The following STAG1 variants were observed in gnomAD, a reference collection of about 807,000 sequenced individuals.
STAG1 encodes STAG1 cohesin complex component.
Under a neutral mutation model 170.9 loss-of-function variants are expected in STAG1, and 26 were observed. The observed-to-expected ratio is 0.15, with a 90% CI of 0.11 to 0.21. STAG1 has a LOEUF of 0.21. Ranked by LOEUF, STAG1 falls within the 10% of genes least tolerant of loss-of-function variation. The probability of loss-of-function intolerance (pLI) is 1.00; values close to 1 mark genes in which losing one functional copy is unlikely to be tolerated. For synonymous variants in STAG1, 514 were observed against 497.7 expected, an observed-to-expected ratio of 1.03 and a Z score of -0.44; for missense variants, 964 against 1,509.5, an observed-to-expected ratio of 0.64 and a Z score of 5.99.
At chr3:136,657,145 G>A (rs1444932499) in intron 1 of STAG1, among the ~76,000 whole-genome samples, 6 of 146,640 alleles carry the variant, frequency 4.1e-5, no homozygotes, top group African/African-American at 1.5e-4. Context: ...CCAGTGTATA[G>A]ATGCAAATAT....
At chr3:136,440,665 T>C (rs192010972) in intron 15 of STAG1, among the ~76,000 whole-genome samples, 2 of 152,174 alleles carry the variant, frequency 1.3e-5, no homozygotes, top group Admixed American at 1.3e-4. Context: ...AATTGATTTT[T>C]ATCAGGGAAA....
chr3:136,718,451 G>A (rs1576805528), intron 1 of STAG1, among the ~76,000 whole-genome samples: 2 of 152,064 alleles, frequency 1.3e-5, no homozygotes, highest in African/African-American at 4.8e-5. Context: ...ATGCTCACCT[G>A]GTAGAAATCT....
rs1448342880 is a variant in STAG1 at position 136,748,092 on chromosome 3, T to TA, written c.-84+4102dup. ...GCCTGGCCAAGAATTATGTAATTTT[T>TA]AAAAAATAAAAATAACTGGCCGGGC... is the stretch of plus-strand genomic sequence containing the variant. On this transcript the variant is annotated intron_variant, in intron 1 of 33. Coordinates refer to ENST00000383202, the MANE Select transcript of STAG1 (RefSeq NM_005862.3). Among the ~76,000 whole-genome samples the TA allele has an allele frequency of 4.9e-4, 72 of 147,952 alleles. 1 individual carries two copies. The highest frequency in any genetic ancestry group is 1.7e-3 in the African/African-American group (70 of 40,702).
intron 25 of STAG1, among the ~76,000 whole-genome samples, chr3:136,366,372 G>A (rs1202480882): frequency 6.6e-6 from 1 of 152,094 alleles, no homozygotes; most frequent in African/African-American, 2.4e-5. Flanking sequence ...ATGTTTAGAT[G>A]TTAGTTAACT....
At chr3:136,383,994 G>C (rs1355112535) in intron 22 of STAG1, among the ~76,000 whole-genome samples, 1 of 149,914 alleles carries the variant, frequency 6.7e-6, no homozygotes, top group Admixed American at 6.7e-5. Flanking sequence ...CAGTCACAGA[G>C]ATGTTAAGCA....
At chr3:136,394,255 G>C (rs1033487098) in intron 22 of STAG1, among the ~76,000 whole-genome samples, 2 of 152,036 alleles carry the variant, frequency 1.3e-5, no homozygotes, top group African/African-American at 4.8e-5. Context: ...TCATGCTTTT[G>C]AAGATTATCA....
At chr3:136,626,405 A>G (rs1470059474) in intron 2 of STAG1, among the ~76,000 whole-genome samples, 1 of 151,540 alleles carries the variant, frequency 6.6e-6, no homozygotes, top group Non-Finnish European at 1.5e-5. Flanking sequence ...AGCCTGAGCA[A>G]CAGAGTGAGA....
intron 15 of STAG1, among the ~76,000 whole-genome samples, chr3:136,437,570 C>A (rs115794246): frequency 6.6e-6 from 1 of 152,280 alleles, no homozygotes; most frequent in Non-Finnish European, 1.5e-5. Context: ...TGAACTCTGG[C>A]TTCTCCCTTT....
chr3:136,367,413 C>A (rs1937115447), intron 24 of STAG1, among the ~76,000 whole-genome samples: 1 of 151,882 alleles, frequency 6.6e-6, no homozygotes, highest in African/African-American at 2.4e-5. Flanking sequence ...TATACTCTAC[C>A]ATTTTATTTA....
rs780314108 is a variant in STAG1, at chr3:136,417,992, ATC to A, written c.2109-22_2109-21del. On this transcript the variant is annotated intron_variant, in intron 20 of 33. Coordinates refer to ENST00000383202, the MANE Select transcript of STAG1 (RefSeq NM_005862.3). ...TGTGCACTGAAATAAACAAAAATGC[ATC>A]TGTTTTATTCTAGAATGGAAGGAAA... 2 of 1,556,318 alleles carry A rather than the reference ATC, an allele frequency of 1.3e-6. No individual in the cohort carries two copies.
chr3:136,393,075 G>A (rs1145106), intron 22 of STAG1, among the ~76,000 whole-genome samples: 112,479 of 152,006 alleles, frequency 0.74, 41,634 homozygotes, highest in East Asian at 0.86. Flanking sequence ...CTCCCTCACT[G>A]TCTAAATGAC....
At chr3:136,418,335 G>A (rs1001278917) in intron 20 of STAG1, among the ~76,000 whole-genome samples, 1 of 105,504 alleles carries the variant, frequency 9.5e-6, no homozygotes, top group Non-Finnish European at 1.7e-5. Flanking sequence ...ACTCCAGCCT[G>A]GGTAACTGAG....
intron 29 of STAG1, among the ~76,000 whole-genome samples, chr3:136,347,853 T>A (rs188360778): frequency 2.3e-4 from 35 of 152,334 alleles, no homozygotes; most frequent in African/African-American, 8.2e-4. Context: ...AATACTCTGC[T>A]AATCCTTCAT....
intron 1 of STAG1, among the ~76,000 whole-genome samples, chr3:136,719,191 A>C (rs1380238592): frequency 6.6e-6 from 1 of 152,228 alleles, no homozygotes; most frequent in Non-Finnish European, 1.5e-5. Context: ...TCTTCAAAAT[A>C]CAAGAAAGTA....
chr3:136,411,982 T>C (rs1168204278), intron 21 of STAG1, among the ~76,000 whole-genome samples: 2 of 151,948 alleles, frequency 1.3e-5, no homozygotes, highest in African/African-American at 4.8e-5. Flanking sequence ...AGAGAGCATT[T>C]TGCCATATTG....
chr3:136,669,496 G>C (rs559812755), intron 1 of STAG1, among the ~76,000 whole-genome samples: 13 of 152,156 alleles, frequency 8.5e-5, no homozygotes, highest in Admixed American at 4.6e-4. Flanking sequence ...TGGGATTACA[G>C]GCGCACAACC....
chr3:136,718,344 G>T (rs550651579), intron 1 of STAG1, among the ~76,000 whole-genome samples: 3 of 152,048 alleles, frequency 2.0e-5, no homozygotes, highest in Non-Finnish European at 4.4e-5. Context: ...CATCTGTATT[G>T]TATGAAATTT....
chr3:136,454,388 G>GT (rs199698105), intron 13 of STAG1, among the ~76,000 whole-genome samples: 5,834 of 150,006 alleles, frequency 0.039, 136 homozygotes, highest in Non-Finnish European at 0.059. Context: ...CTTATTTTAT[G>GT]TTTTTTTTGA....
At chr3:136,737,252 A>AC in intron 1 of STAG1, 2 of 607,866 alleles carry the variant, frequency 3.3e-6, no homozygotes, top group Non-Finnish European at 6.2e-6. Flanking sequence ...CCACCACGTG[A>AC]CCCCCATGCC....
Sources: gnomAD v4.1 joint callset for allele counts (sites outside exome capture counted in the v4.1 genomes callset) on GRCh38, gnomAD v4.1.1 for gene constraint, MANE v1.5 for transcripts, NCBI Gene and HGNC (gene_info 2026-07-23, HGNC 2026-07-21) for gene names.